ELAVL2: variants seen among roughly 807,000 people sequenced by gnomAD.
ELAVL2 encodes ELAV like RNA binding protein 2.
Under a neutral mutation model 34.6 loss-of-function variants are expected in ELAVL2, and 4 were observed. The ratio of observed to expected loss-of-function variants is 0.12; its 90% CI spans 0.06 to 0.26. ELAVL2 has a LOEUF of 0.26. ELAVL2 is among the 10% of genes least tolerant of loss of function. The pLI is 1.00. For missense variants in ELAVL2, 432 were observed against 442.8 expected, an observed-to-expected ratio of 0.98 and a Z score of 0.22; for synonymous variants, 193 against 154.8, an observed-to-expected ratio of 1.25 and a Z score of -1.83.
intron 1 of ELAVL2, among the ~76,000 whole-genome samples, chr9:23,776,732 T>G (rs1181971269): frequency 7.1e-6 from 1 of 141,176 alleles, no homozygotes; most frequent in African/African-American, 2.7e-5. Flanking sequence ...GCTAAATAGT[T>G]TGCTATCAAA....
At chr9:23,697,822 G>A (rs567371085) in intron 5 of ELAVL2, among the ~76,000 whole-genome samples, 1 of 152,090 alleles carries the variant, frequency 6.6e-6, no homozygotes, top group Non-Finnish European at 1.5e-5. Flanking sequence ...AGGAAGATAA[G>A]TTATTGATGG....
intron 3 of ELAVL2, among the ~76,000 whole-genome samples, chr9:23,714,164 CAT>C (rs1055681787): frequency 6.6e-6 from 1 of 152,134 alleles, no homozygotes; most frequent in Admixed American, 6.5e-5. Flanking sequence ...GGATATGTAA[CAT>C]ATGTTAATTC....
At position 23,698,730 on chromosome 9, in the gene ELAVL2, C is replaced by T. The variant is rs549859244; in HGVS notation, c.713+2649G>A. On this transcript the variant is annotated intron_variant, in intron 5 of 6. Coordinates refer to ENST00000397312, the MANE Select transcript of ELAVL2 (RefSeq NM_004432.5). ...ACAAGCAAGCCCTTAATTCAAGTTT[C>T]TTTATCAGGTGAAAGAAGAAGGGGG... 6.6e-5 allele frequency among the ~76,000 whole-genome samples: 10 copies of T among 152,234 alleles called. No individual in the cohort carries two copies. In the East Asian group the frequency reaches 1.5e-3, roughly 23 times the overall value.
chr9:23,776,347 C>A (rs954203641), intron 1 of ELAVL2, among the ~76,000 whole-genome samples: 1 of 152,170 alleles, frequency 6.6e-6, no homozygotes, highest in Admixed American at 6.5e-5. Context: ...GAACCAGGGA[C>A]AGGTGTGTTC....
intron 1 of ELAVL2, among the ~76,000 whole-genome samples, chr9:23,792,576 C>T (rs546503214): frequency 2.6e-5 from 4 of 152,288 alleles, no homozygotes; most frequent in Admixed American, 2.0e-4. Flanking sequence ...TTCCCAAAAA[C>T]ATCTCATGCT....
intron 5 of ELAVL2, among the ~76,000 whole-genome samples, chr9:23,697,766 G>C (rs1441537077): frequency 6.6e-6 from 1 of 152,044 alleles, no homozygotes. Context: ...AGGCCTACAT[G>C]TAAGTAAGGG....
chr9:23,735,908 G>A (rs1279248108), intron 2 of ELAVL2, among the ~76,000 whole-genome samples: 2 of 152,046 alleles, frequency 1.3e-5, no homozygotes, highest in South Asian at 2.1e-4. Flanking sequence ...AAGAAAACCC[G>A]TTTAGTGGCA....
upstream of ELAVL2, among the ~76,000 whole-genome samples, chr9:23,831,112 C>A (rs1042964413): frequency 2.0e-5 from 3 of 152,228 alleles, no homozygotes; most frequent in Admixed American, 1.3e-4. Context: ...TCTCTGGCCC[C>A]TTTACCGGGA....
chr9:23,717,840 A>C (rs2042705017), intron 3 of ELAVL2, among the ~76,000 whole-genome samples: 1 of 152,216 alleles, frequency 6.6e-6, no homozygotes, highest in Non-Finnish European at 1.5e-5. Context: ...TAACTAGCCC[A>C]CATTAAGCAC....
chr9:23,831,891 G>A, the ELAVL2 span, among the ~76,000 whole-genome samples: 2 of 152,238 alleles, frequency 1.3e-5, no homozygotes, highest in South Asian at 4.2e-4. Context: ...GAAGCTGTGA[G>A]GAGAAGTGGA....
At chr9:23,786,391 G>C (rs1000967820) in intron 1 of ELAVL2, among the ~76,000 whole-genome samples, 3 of 152,216 alleles carry the variant, frequency 2.0e-5, no homozygotes, top group East Asian at 1.9e-4. Flanking sequence ...TACAGGACAT[G>C]AATGACTTAG....
chr9:23,718,552 G>A (rs1287070566), intron 3 of ELAVL2, among the ~76,000 whole-genome samples: 2 of 152,100 alleles, frequency 1.3e-5, no homozygotes, highest in Non-Finnish European at 2.9e-5. Flanking sequence ...AGGCAGAGAT[G>A]GAAATTTGTG....
intron 2 of ELAVL2, among the ~76,000 whole-genome samples, chr9:23,732,703 G>A (rs1455530218): frequency 6.6e-6 from 1 of 152,152 alleles, no homozygotes; most frequent in Non-Finnish European, 1.5e-5. Flanking sequence ...ATAGTGGAAA[G>A]ACAGACTTCC....
intron 1 of ELAVL2, among the ~76,000 whole-genome samples, chr9:23,803,357 T>C (rs1239592628): frequency 6.6e-6 from 1 of 152,230 alleles, no homozygotes; most frequent in Non-Finnish European, 1.5e-5. Flanking sequence ...GTTGCATACT[T>C]ACACTGGTTT....
At chr9:23,711,917 C>A (rs1266228413) in intron 3 of ELAVL2, among the ~76,000 whole-genome samples, 2 of 152,240 alleles carry the variant, frequency 1.3e-5, no homozygotes, top group South Asian at 2.1e-4. Context: ...AAGCCACAAT[C>A]TTTGTCATAT....
chr9:23,754,325 C>T (rs1209367885), intron 2 of ELAVL2, among the ~76,000 whole-genome samples: 2 of 152,136 alleles, frequency 1.3e-5, no homozygotes, highest in Admixed American at 6.5e-5. Context: ...GGCTTCATTA[C>T]CACAGGTTAT....
intron 3 of ELAVL2, among the ~76,000 whole-genome samples, chr9:23,714,143 G>C (rs1564023540): frequency 6.6e-6 from 1 of 152,140 alleles, no homozygotes; most frequent in Admixed American, 6.5e-5. Context: ...CCATGTGCCA[G>C]ACACTGTTCT....
At chr9:23,730,882 A>G in intron 3 of ELAVL2, 140 bp downstream of exon 3, 1 of 749,118 alleles carries the variant, frequency 1.3e-6, no homozygotes, top group Non-Finnish European at 2.1e-6. Context: ...TCCATCTTGC[A>G]ACAAACACCA....
At chr9:23,695,808 C>T (rs974848099) in intron 5 of ELAVL2, among the ~76,000 whole-genome samples, 1 of 152,102 alleles carries the variant, frequency 6.6e-6, no homozygotes, top group African/African-American at 2.4e-5. Flanking sequence ...GAATTTTTTG[C>T]AGTCTACTAT....
Sources: gnomAD v4.1 joint callset for allele counts (sites outside exome capture counted in the v4.1 genomes callset) on GRCh38, gnomAD v4.1.1 for gene constraint, MANE v1.5 for transcripts, NCBI Gene and HGNC (gene_info 2026-07-23, HGNC 2026-07-21) for gene names.